The following ADAM12 variants were observed in gnomAD, a reference collection of about 807,000 sequenced individuals.
The protein encoded by ADAM12 is disintegrin and metalloproteinase domain-containing protein 12.
In ADAM12, 70 loss-of-function variants were observed where a neutral mutation model predicts 106.4. The observed-to-expected ratio is 0.66, with a 90% CI of 0.54 to 0.80. ADAM12 has a LOEUF of 0.80. Ranked by LOEUF, ADAM12 falls within the 30% of genes least tolerant of loss-of-function variation. The pLI, the probability that ADAM12 is intolerant of heterozygous loss-of-function variation, is 0.00. For missense variants in ADAM12, 1,010 were observed against 1,171.9 expected, an observed-to-expected ratio of 0.86 and a Z score of 2.02; for synonymous variants, 420 against 433.5, an observed-to-expected ratio of 0.97 and a Z score of 0.39.
At chr10:126,372,512 T>C (rs193110868) in intron 1 of ADAM12, among the ~76,000 whole-genome samples, 22 of 152,330 alleles carry the variant, frequency 1.4e-4, no homozygotes, top group African/African-American at 5.1e-4. Context: ...TCCAGAATTC[T>C]GGCCATGATC....
rs192107943 is a variant in ADAM12, at chr10:126,111,039, G to A, written c.604-1199C>T. On this transcript the variant is annotated intron_variant, in intron 6 of 22. Coordinates refer to ENST00000448723, the MANE Select transcript of ADAM12 (RefSeq NM_001288973.2). ...AGGTTTCCAGTCACATAATCCTGAG[G>A]GAAACATCTTTTATAAAACAAATCC... Among the ~76,000 whole-genome samples the A allele has an allele frequency of 4.6e-5, 7 of 152,250 alleles. No individual in the cohort carries two copies. In the East Asian group the frequency reaches 1.4e-3, roughly 29 times the overall value.
At chr10:126,365,287 T>G (rs554284153) in intron 1 of ADAM12, among the ~76,000 whole-genome samples, 2 of 152,170 alleles carry the variant, frequency 1.3e-5, no homozygotes, top group African/African-American at 4.8e-5. Flanking sequence ...GTTTGTTTAA[T>G]AGACTCCTAA....
At chr10:126,352,622 G>A (rs1201833984) in intron 1 of ADAM12, among the ~76,000 whole-genome samples, 4 of 152,126 alleles carry the variant, frequency 2.6e-5, no homozygotes, top group South Asian at 2.1e-4. Flanking sequence ...GTCTTGTGTC[G>A]GATGTCTTTC....
At chr10:126,101,303 A>G in intron 8 of ADAM12, 62 bp from the exon 9 acceptor site, 2 of 1,549,980 alleles carry the variant, frequency 1.3e-6, no homozygotes, top group Non-Finnish European at 1.8e-6. Context: ...ACTCGAAATG[A>G]AAATTAGAAC....
chr10:126,318,740 A>G (rs1018862190), intron 2 of ADAM12, among the ~76,000 whole-genome samples: 4 of 152,224 alleles, frequency 2.6e-5, no homozygotes, highest in African/African-American at 4.8e-5. Context: ...TAAAATAAAT[A>G]CCTGTATTAG....
intron 21 of ADAM12, among the ~76,000 whole-genome samples, chr10:126,032,692 A>T (rs1241309724): frequency 6.6e-6 from 1 of 152,240 alleles, no homozygotes; most frequent in Non-Finnish European, 1.5e-5. Context: ...GCTACCTGAA[A>T]TGTGCACACA....
At chr10:126,175,559 C>T (rs984518902) in intron 3 of ADAM12, among the ~76,000 whole-genome samples, 2 of 152,184 alleles carry the variant, frequency 1.3e-5, no homozygotes, top group Non-Finnish European at 2.9e-5. Context: ...TGGAAACTGC[C>T]TATACATGCC....
chr10:126,163,575 A>C (rs1956974131), intron 3 of ADAM12, among the ~76,000 whole-genome samples: 1 of 146,792 alleles, frequency 6.8e-6, no homozygotes, highest in Non-Finnish European at 1.5e-5. Context: ...TCCAACTTTA[A>C]CTTTACCCTT....
chr10:126,237,750 T>C (rs1017775910), intron 3 of ADAM12, among the ~76,000 whole-genome samples: 1 of 152,158 alleles, frequency 6.6e-6, no homozygotes, highest in African/African-American at 2.4e-5. Flanking sequence ...CCATTGCATA[T>C]GATGGCCCAG....
At position 126,108,648 on chromosome 10, in the gene ADAM12, T is replaced by C. The variant is rs1955818050; in HGVS notation, c.686A>G (p.Lys229Arg). 6.2e-7 allele frequency: 1 copy of C among 1,613,966 alleles called. No homozygotes were observed. Among genetic ancestry groups the C allele is most frequent in the African/African-American group, 1.3e-5 (1 of 74,948 alleles). ...ADNREFQRQG[K>R]DLEKVKQRLI... ...TCGCTGCTTAACTTTTTCCAGATCT[T>C]TTCCTTGCCTCTGAAACTTAACAAT... The change falls in exon 8 of 23, where the codon AAA becomes AGA. Residue 229 changes from lysine to arginine, a missense_variant. By Grantham distance (26) the Lys-to-Arg change is conservative. Transcript: ENST00000448723.
At chr10:126,091,862 G>A (rs1422045982) in intron 11 of ADAM12, among the ~76,000 whole-genome samples, 1 of 151,950 alleles carries the variant, frequency 6.6e-6, no homozygotes, top group Non-Finnish European at 1.5e-5. Context: ...CGAGCACAGG[G>A]GTCAAAAATA....
chr10:126,326,403 G>C (rs1854304073), intron 2 of ADAM12, among the ~76,000 whole-genome samples: 1 of 152,132 alleles, frequency 6.6e-6, no homozygotes, highest in South Asian at 2.1e-4. Flanking sequence ...CTCTTTGGGG[G>C]TGTATATGAT....
chr10:126,267,465 C>T (rs755533969), intron 3 of ADAM12, among the ~76,000 whole-genome samples: 10 of 152,190 alleles, frequency 6.6e-5, no homozygotes, highest in East Asian at 3.8e-4. Flanking sequence ...TGCAACTAGA[C>T]GATCCCATCT....
At chr10:126,244,047 T>A (rs998584031) in intron 3 of ADAM12, among the ~76,000 whole-genome samples, 2 of 152,240 alleles carry the variant, frequency 1.3e-5, no homozygotes, top group African/African-American at 4.8e-5. Flanking sequence ...CCAGACTGCC[T>A]ACTCATGTTT....
chr10:126,101,327 TTGAGG>T, intron 8 of ADAM12, 86 bp from the exon 9 acceptor site: 1 of 1,389,658 alleles, frequency 7.2e-7, no homozygotes, highest in South Asian at 1.3e-5. Flanking sequence ...TTTGCGTTAT[TTGAGG>T]GTCACTGACA....
At chr10:126,227,634 G>A (rs560365000) in intron 3 of ADAM12, among the ~76,000 whole-genome samples, 1 of 152,110 alleles carries the variant, frequency 6.6e-6, no homozygotes, top group Non-Finnish European at 1.5e-5. Context: ...GCATGCTCAC[G>A]TTTGAGAAGC....
At chr10:126,097,959 G>A (rs1955587079) in intron 10 of ADAM12, among the ~76,000 whole-genome samples, 1 of 152,208 alleles carries the variant, frequency 6.6e-6, no homozygotes. Context: ...GGCATGTAAA[G>A]CATTTGCAGT....
chr10:126,196,414 C>T (rs576977081), intron 3 of ADAM12, among the ~76,000 whole-genome samples: 1 of 152,342 alleles, frequency 6.6e-6, no homozygotes, highest in South Asian at 2.1e-4. Flanking sequence ...GTTCCCTCAT[C>T]AATCAGCTGC....
chr10:126,299,330 A>G (rs1960516106), intron 2 of ADAM12, among the ~76,000 whole-genome samples: 1 of 152,208 alleles, frequency 6.6e-6, no homozygotes, highest in Admixed American at 6.5e-5. Flanking sequence ...AGCTACGTCC[A>G]CTTTATTCTT....
Sources: allele counts gnomAD v4.1 joint callset (sites outside exome capture counted in the v4.1 genomes callset), GRCh38; gene constraint gnomAD v4.1.1; transcripts MANE v1.5; gene names NCBI Gene and HGNC (gene_info 2026-07-23, HGNC 2026-07-21).